The following CHRNA1 variants were observed in gnomAD, a reference collection of about 807,000 sequenced individuals.
CHRNA1 encodes the protein cholinergic receptor nicotinic alpha 1 subunit.
CHRNA1 carries 35 observed loss-of-function variants against 47.1 expected under a neutral mutation model. The ratio of observed to expected loss-of-function variants is 0.74; its 90% confidence interval spans 0.57 to 0.99. The LOEUF is 0.99. CHRNA1 is among the 50% of genes least tolerant of loss of function. The probability of loss-of-function intolerance (pLI) is 0.00; values close to 1 mark genes in which losing one functional copy is unlikely to be tolerated. For synonymous variants in CHRNA1, 229 were observed against 223.6 expected (o/e 1.02, Z -0.22); for missense variants, 506 against 591.1 (o/e 0.86, Z 1.49).
At position 174,759,472 on chromosome 2, in the gene CHRNA1, A is replaced by T. The variant is rs1419917128; in HGVS notation, c.189+16T>A. ...GGTGTGGGTGTGTGGGCAGGCCCCC[A>T]GTGCTCTTGTCTCACCACATTGATG... On this transcript the variant is annotated intron_variant, in intron 2 of 8. Transcript: ENST00000348749. 3.7e-5 allele frequency: 59 copies of T among 1,614,012 alleles called. No homozygotes were observed. The highest frequency in any genetic ancestry group is 5.0e-5 in the Non-Finnish European group (59 of 1,180,024).
intron 4 of CHRNA1, among the ~76,000 whole-genome samples, chr2:174,756,582 T>A (rs1214963867): frequency 6.6e-6 from 1 of 152,222 alleles, no homozygotes; most frequent in East Asian, 1.9e-4. Context: ...GGATTTTAAT[T>A]GCTCTTCTCA....
At chr2:174,750,959 G>A (rs1683836492) in intron 6 of CHRNA1, among the ~76,000 whole-genome samples, 1 of 152,128 alleles carries the variant, frequency 6.6e-6, no homozygotes, top group African/African-American at 2.4e-5. Flanking sequence ...CAGCCCAGAA[G>A]TACACATATC....
intron 4 of CHRNA1, among the ~76,000 whole-genome samples, chr2:174,756,435 A>G (rs1480499147): frequency 1.3e-5 from 2 of 152,154 alleles, no homozygotes; most frequent in East Asian, 1.9e-4. Flanking sequence ...CTGGAAAACT[A>G]TGTGGCATTG....
At chr2:174,760,309 G>T (rs1684078495) in intron 1 of CHRNA1, among the ~76,000 whole-genome samples, 1 of 152,134 alleles carries the variant, frequency 6.6e-6, no homozygotes, top group Non-Finnish European at 1.5e-5. Flanking sequence ...CCATCAACAG[G>T]TAAATGGATG....
chr2:174,760,249 GAAGAGCAGC>G (rs2105352817), intron 1 of CHRNA1, among the ~76,000 whole-genome samples: 1 of 152,262 alleles, frequency 6.6e-6, no homozygotes, highest in Non-Finnish European at 1.5e-5. Context: ...ACACCCAAAA[GAAGAGCAGC>G]ATTATTTACC....
intron 6 of CHRNA1, chr2:174,753,056 A>G (rs993547894): frequency 1.1e-5 from 3 of 274,306 alleles, no homozygotes; most frequent in African/African-American, 6.4e-5. Context: ...TCTGGAAAAA[A>G]AGATATGCAA....
In CHRNA1 at chr2:174,749,945, C is replaced by T. The variant is rs1033415173; in HGVS notation, c.1002+1G>A. ...AAGTCTGCAGGGGCCTCCCCACTCA[C>T]CTTCCGCACCCAGTTGGGCATGACA... is the stretch of plus-strand genomic sequence containing the variant. On this transcript the variant is annotated splice_donor_variant, in intron 7 of 8. Coordinates refer to ENST00000348749, the MANE Select transcript of CHRNA1 (RefSeq NM_000079.4). LOFTEE classifies it high-confidence loss of function. 6.2e-7 allele frequency: 1 copy of T among 1,613,870 alleles called. No homozygotes were observed. The highest frequency in any genetic ancestry group is 8.5e-7 in the Non-Finnish European group (1 of 1,179,896).
intron 1 of CHRNA1, among the ~76,000 whole-genome samples, chr2:174,763,326 GCGCGCACACACACA>G (rs1412653872): frequency 1.0e-5 from 1 of 99,174 alleles, no homozygotes; most frequent in East Asian, 2.1e-4. Context: ...GTGTGCACGC[GCGCGCACACACACA>G]CACACACACA....
At chr2:174,749,840 T>C (rs2105345113) in intron 7 of CHRNA1, 106 bp downstream of exon 7, 1 of 992,626 alleles carries the variant, frequency 1.0e-6, no homozygotes. Context: ...AAAGAGAACT[T>C]AGTTCCTAAA....
At chr2:174,752,641 G>A (rs868249807) in intron 6 of CHRNA1, 3 of 152,120 alleles carry the variant, frequency 2.0e-5, no homozygotes, top group South Asian at 4.1e-4. Context: ...GGCACTTTCT[G>A]TCTTATTCTC....
At chr2:174,752,878 T>C (rs1012724914) in intron 6 of CHRNA1, 1 of 157,622 alleles carries the variant, frequency 6.3e-6, no homozygotes, top group African/African-American at 2.4e-5. Context: ...AGTGACTTGC[T>C]GGCAGGCAGA....
intron 8 of CHRNA1, 58 bp from the exon 9 acceptor site, chr2:174,748,313 C>A: frequency 1.2e-6 from 2 of 1,610,662 alleles, no homozygotes; most frequent in Non-Finnish European, 1.7e-6. Flanking sequence ...GGACTCACAA[C>A]GTTTGTGCTT....
intron 1 of CHRNA1, among the ~76,000 whole-genome samples, chr2:174,762,617 T>C (rs1198906162): frequency 1.3e-5 from 2 of 152,208 alleles, no homozygotes; most frequent in African/African-American, 2.4e-5. Flanking sequence ...GAAAGTGATA[T>C]GCCGTAAGAA....
chr2:174,752,624 G>A (rs185029848), intron 6 of CHRNA1: 4 of 152,308 alleles, frequency 2.6e-5, no homozygotes, highest in African/African-American at 7.2e-5. Flanking sequence ...TGCACTCTGA[G>A]GGGTGAGGCA....
At position 174,760,614 on chromosome 2, in the gene CHRNA1, C is replaced by T. The variant is rs115232823; in HGVS notation, c.44-981G>A. ...ATGTTTCCCTTTGGGATGATGAAAA[C>T]GTTCTGGAAATAGATAGTGGTGATG... On this transcript the variant is annotated intron_variant, in intron 1 of 8. Coordinates refer to ENST00000348749, the MANE Select transcript of CHRNA1 (RefSeq NM_000079.4). Among the ~76,000 whole-genome samples the T allele has an allele frequency of 2.3e-3, 356 of 152,110 alleles. 4 individuals are homozygous for T. Among genetic ancestry groups the T allele is most frequent in the African/African-American group, 8.1e-3 (337 of 41,464 alleles).
chr2:174,750,064 C>G lies in CHRNA1; in HGVS notation c.884G>C (p.Gly295Ala), dbSNP rs1553469070. The G allele has an allele frequency of 1.2e-6, 2 of 1,614,022 alleles. No homozygotes were observed. The highest frequency in any genetic ancestry group is 1.7e-6 in the Non-Finnish European group (2 of 1,180,010). Residue 295 changes from glycine to alanine, a missense_variant, in exon 7 of 9, where the codon GGA (glycine) becomes GCA (alanine). Coordinates refer to ENST00000348749, the MANE Select transcript of CHRNA1 (RefSeq NM_000079.4). The part of the protein sequence containing the change: ...PSTSSAVPLI[G>A]KYMLFTMVFV... ...CACCATGGTGAACAGCATGTATTTT[C>G]CAATCAAGGGCACAGCACTGGACGT...
rs190221797 is a variant in CHRNA1 at position 174,749,233 on chromosome 2, T to C, written c.1003-414A>G. Among the ~76,000 whole-genome samples the C allele has an allele frequency of 2.0e-3, 305 of 152,350 alleles. 4 individuals carry two copies. Among genetic ancestry groups the C allele is most frequent in the African/African-American group, 6.6e-3 (276 of 41,584 alleles). On this transcript the variant is annotated intron_variant, in intron 7 of 8. Transcript: ENST00000348749. Reference sequence around the variant, plus strand: ...AAAACAGCTAGATTGTTTTCTTCTGTTTCCTGTTCCTGAAGAAACTGCAGT... The same window carrying C: ...AAAACAGCTAGATTGTTTTCTTCTGCTTCCTGTTCCTGAAGAAACTGCAGT...
Position 174,747,966 on chromosome 2 carries a change from C to A in CHRNA1, c.*158G>T. 1.1e-6 allele frequency: 1 copy of A among 940,298 alleles called. No individual in the cohort carries two copies. Among genetic ancestry groups the A allele is most frequent in the South Asian group, 1.4e-5 (1 of 69,598 alleles). The allele number at this position is 940,298 out of a possible 1,614,324, so 58.2% of individuals were successfully genotyped here. A position where few individuals can be genotyped will look rare whatever the true frequency, so the allele number is the denominator to read the frequency against. Reference sequence around the variant, plus strand: ...GAAGCAATATGAAAACACTTCAAGGCCATAAACTTACATAAAGGTAAATCT... The same window carrying A: ...GAAGCAATATGAAAACACTTCAAGGACATAAACTTACATAAAGGTAAATCT... On this transcript the variant is annotated 3_prime_UTR_variant, in exon 9 of 9. Coordinates refer to ENST00000348749, the MANE Select transcript of CHRNA1 (RefSeq NM_000079.4).
intron 3 of CHRNA1, among the ~76,000 whole-genome samples, chr2:174,758,190 C>T (rs1164735243): frequency 2.0e-5 from 3 of 152,186 alleles, no homozygotes; most frequent in African/African-American, 7.2e-5. Flanking sequence ...GGGTGGATCA[C>T]CTGAGGTCAG....
Sources: gnomAD v4.1 joint callset for allele counts (sites outside exome capture counted in the v4.1 genomes callset) on GRCh38, gnomAD v4.1.1 for gene constraint, MANE v1.5 for transcripts, NCBI Gene and HGNC (gene_info 2026-07-23, HGNC 2026-07-21) for gene names.